Variants in GPC6 observed in about 807,000 individuals in gnomAD.
GPC6 encodes glypican 6.
GPC6 carries 14 observed loss-of-function variants against 55.2 expected under a neutral mutation model. The observed-to-expected ratio is 0.25, with a 90% CI of 0.17 to 0.40. GPC6 has a LOEUF of 0.40. Ranked by LOEUF, GPC6 falls within the 10% of genes least tolerant of loss-of-function variation. The pLI, the probability that GPC6 is intolerant of heterozygous loss-of-function variation, is 1.00. For synonymous variants in GPC6, 278 were observed against 259.6 expected (o/e 1.07, Z -0.68); for missense variants, 641 against 708.5 (o/e 0.90, Z 1.08).
At chr13:94,087,196 G>A (rs1885314446) in intron 4 of GPC6, among the ~76,000 whole-genome samples, 1 of 152,192 alleles carries the variant, frequency 6.6e-6, no homozygotes. Flanking sequence ...GCCGATGAAT[G>A]AGCAGATCTA....
At chr13:94,226,849 C>A (rs1005683315) in intron 4 of GPC6, among the ~76,000 whole-genome samples, 2 of 152,194 alleles carry the variant, frequency 1.3e-5, no homozygotes, top group East Asian at 3.9e-4. Flanking sequence ...TCCAGGCCTC[C>A]TGGAGCCATT....
intron 4 of GPC6, among the ~76,000 whole-genome samples, chr13:94,095,242 A>G (rs905214408): frequency 6.6e-6 from 1 of 152,156 alleles, no homozygotes; most frequent in African/African-American, 2.4e-5. Flanking sequence ...CATATGCTAT[A>G]TAAAAAAGAG....
intron 3 of GPC6, among the ~76,000 whole-genome samples, chr13:93,886,749 A>ATTTTTTTTTT (rs34726181): frequency 8.9e-5 from 12 of 135,332 alleles, no homozygotes; most frequent in Non-Finnish European, 1.3e-4. Context: ...AGCATCTGTC[A>ATTTTTTTTTT]TTTTTTTTTT....
chr13:93,841,420 C>T (rs944399161), intron 3 of GPC6, among the ~76,000 whole-genome samples: 1 of 152,084 alleles, frequency 6.6e-6, no homozygotes, highest in Non-Finnish European at 1.5e-5. Flanking sequence ...AAGGGTTATT[C>T]CTTTGCATCT....
intron 1 of GPC6, among the ~76,000 whole-genome samples, chr13:93,279,763 A>G (rs944590700): frequency 1.3e-5 from 2 of 152,238 alleles, no homozygotes; most frequent in Non-Finnish European, 2.9e-5. Context: ...AATGTAAAGG[A>G]TGTGTTAACT....
chr13:94,200,885 G>C (rs1889724901), intron 4 of GPC6, among the ~76,000 whole-genome samples: 1 of 152,198 alleles, frequency 6.6e-6, no homozygotes, highest in African/African-American at 2.4e-5. Context: ...TGTCAGAGGA[G>C]AGCGGAGTCC....
chr13:94,354,648 T>C (rs1878707339), intron 6 of GPC6, among the ~76,000 whole-genome samples: 1 of 152,236 alleles, frequency 6.6e-6, no homozygotes, highest in Non-Finnish European at 1.5e-5. Context: ...CGGTAAGCTC[T>C]AGGCAAATGC....
chr13:93,291,327 T>A (rs17267592), intron 1 of GPC6, among the ~76,000 whole-genome samples: 2,147 of 152,224 alleles, frequency 0.014, 16 homozygotes, highest in Middle Eastern at 0.048. Context: ...ACAATGCCAT[T>A]GTCTCTTGAT....
intron 1 of GPC6, among the ~76,000 whole-genome samples, chr13:93,418,730 G>A (rs1350295664): frequency 1.4e-5 from 2 of 147,728 alleles, no homozygotes; most frequent in African/African-American, 5.2e-5. Context: ...ATACCGTAGT[G>A]TCATTTTATT....
chr13:93,329,221 C>T (rs1879757016), intron 1 of GPC6, among the ~76,000 whole-genome samples: 1 of 152,140 alleles, frequency 6.6e-6, no homozygotes, highest in Non-Finnish European at 1.5e-5. Context: ...CGTGGCAAAC[C>T]TAACTGCCCA....
upstream of GPC6, among the ~76,000 whole-genome samples, chr13:93,222,779 A>G (rs1309885861): frequency 2.0e-5 from 3 of 152,234 alleles, no homozygotes; most frequent in African/African-American, 7.2e-5. Context: ...AGAATAACCA[A>G]CTAACAATGG....
intron 4 of GPC6, among the ~76,000 whole-genome samples, chr13:94,105,135 A>T (rs1886005814): frequency 6.6e-6 from 1 of 152,146 alleles, no homozygotes; most frequent in Admixed American, 6.6e-5. Flanking sequence ...CAAGAGGATC[A>T]CTTGAGCCCT....
intron 1 of GPC6, among the ~76,000 whole-genome samples, chr13:93,498,957 A>G (rs765223216): frequency 5.9e-5 from 9 of 152,204 alleles, no homozygotes; most frequent in Non-Finnish European, 1.0e-4. Context: ...AAGTGCCTAT[A>G]TAGAAAGCCT....
intron 1 of GPC6, among the ~76,000 whole-genome samples, chr13:93,337,616 A>G (rs1479722167): frequency 6.6e-6 from 1 of 152,230 alleles, no homozygotes; most frequent in African/African-American, 2.4e-5. Flanking sequence ...ATTCCAAAAT[A>G]TATGCTCTTA....
chr13:93,814,873 A>G (rs563471239), intron 2 of GPC6, among the ~76,000 whole-genome samples: 23 of 152,310 alleles, frequency 1.5e-4, no homozygotes, highest in Non-Finnish European at 2.9e-4. Context: ...AGGGAGATTC[A>G]TTACCATCAG....
intron 2 of GPC6, among the ~76,000 whole-genome samples, chr13:93,822,344 TA>T (rs1887078709): frequency 1.3e-5 from 2 of 152,162 alleles, no homozygotes; most frequent in African/African-American, 4.8e-5. Flanking sequence ...CCCCCGCTTT[TA>T]GGAAAATATA....
rs577214448 is a variant in GPC6, at chr13:94,333,044, G to A, written c.1152+26921G>A. 1.9e-4 allele frequency among the ~76,000 whole-genome samples: 29 copies of A among 152,322 alleles called. No individual in the cohort carries two copies. In the East Asian group the frequency reaches 5.2e-3, roughly 27 times the overall value. On this transcript the variant is annotated intron_variant, in intron 6 of 8. Coordinates refer to ENST00000377047, the MANE Select transcript of GPC6 (RefSeq NM_005708.5). ...AGATGAAATTGGTCTGTGCATCAGGGATGGGAAAGGATTCCAGGGTCTTCA... is the reference window on the plus strand; with the variant it reads ...AGATGAAATTGGTCTGTGCATCAGGAATGGGAAAGGATTCCAGGGTCTTCA...
intron 1 of GPC6, among the ~76,000 whole-genome samples, chr13:93,497,852 C>T (rs1351278056): frequency 6.6e-6 from 1 of 152,158 alleles, no homozygotes; most frequent in Non-Finnish European, 1.5e-5. Flanking sequence ...TTCCAGAGAG[C>T]CAGGGCTGTC....
intron 1 of GPC6, among the ~76,000 whole-genome samples, chr13:93,487,805 AC>A (rs1464561641): frequency 6.6e-6 from 1 of 152,214 alleles, no homozygotes; most frequent in Admixed American, 6.5e-5. Context: ...GCTTATCAAA[AC>A]CAAATTAAAA....
Sources: allele counts gnomAD v4.1 joint callset (sites outside exome capture counted in the v4.1 genomes callset), GRCh38; gene constraint gnomAD v4.1.1; transcripts MANE v1.5; gene names NCBI Gene and HGNC (gene_info 2026-07-23, HGNC 2026-07-21).